DCHS1: variants seen among roughly 807,000 people sequenced by gnomAD.
The protein encoded by DCHS1 is protocadherin-16.
In DCHS1, 78 loss-of-function variants were observed where a neutral mutation model predicts 213.9. That is an observed-to-expected ratio of 0.36 (90% CI 0.30 to 0.44). The LOEUF (loss-of-function observed/expected upper bound fraction) is 0.44. Among genes scored for constraint, DCHS1 ranks in the 20% least tolerant of loss-of-function variants. The pLI is 1.00. For synonymous variants in DCHS1, 1,828 were observed against 1,873.7 expected (o/e 0.98, Z 0.63); for missense variants, 3,946 against 4,395.9 (o/e 0.90, Z 2.89).
intron 7 of DCHS1, 29 bp from the exon 8 acceptor site, chr11:6,631,436 C>A: frequency 6.2e-7 from 1 of 1,610,350 alleles, no homozygotes; most frequent in Non-Finnish European, 8.5e-7. Context: ...CCTAGTGAGT[C>A]TCTTTCCTGT....
Position 6,640,693 on chromosome 11 carries a change from G to A in DCHS1, c.921C>T (p.Ile307=), listed in dbSNP as rs201398426. The change falls in exon 2 of 21, where the codon ATC becomes ATT. Residue 307 remains isoleucine (I), a synonymous_variant. Coordinates refer to ENST00000299441, the MANE Select transcript of DCHS1 (RefSeq NM_003737.4). This position sits in a 1 kb window ranked among gnomAD's most constrained non-coding sequence, Gnocchi z 6.5. ...RQSEGDGPFS[I]DAHTGLLQLE... ...ACTGCAGCAGCCCCGTGTGTGCGTC[G>A]ATGGAGAAGGGTCCATCACCCTCGC... The A allele has an allele frequency of 2.4e-5, 38 of 1,613,552 alleles. No individual in the cohort carries two copies. The Admixed American group carries it at 4.8e-4, about 21-fold the overall frequency.
Position 6,630,096 on chromosome 11 carries a change from G to A in DCHS1, c.4698C>T (p.His1566=). ...CCAGATCCGGGTCCCGGGCTACCAC[G>A]TGCAGGGCCGCGGGCCCAGGCGGCT... The part of the protein sequence containing the change: ...EDQPPGPAAL[H]VVARDPDLGE... The change falls in exon 10 of 21, where the codon CAC becomes CAT. Residue 1566 remains histidine (H), a synonymous_variant. Coordinates refer to ENST00000299441, the MANE Select transcript of DCHS1 (RefSeq NM_003737.4). The A allele has an allele frequency of 3.1e-6, 5 of 1,601,286 alleles. No individual in the cohort carries two copies. Among genetic ancestry groups the A allele is most frequent in the Non-Finnish European group, 4.3e-6 (5 of 1,172,230 alleles).
rs138142044 is a variant in DCHS1 at position 6,652,571 on chromosome 11, T to C, written c.-121+2992A>G. ...CTGGAGACGTGGGAAACACATGGAA[T>C]AATCAGTTGAGTGAGGTCCCTGTGG... is the stretch of plus-strand genomic sequence containing the variant. On this transcript the variant is annotated intron_variant, in intron 1 of 20. Transcript: ENST00000299441. Among the ~76,000 whole-genome samples, 548 of 152,238 alleles carry C rather than the reference T, an allele frequency of 3.6e-3. 2 individuals carry two copies. The highest frequency in any genetic ancestry group is 0.012 in the African/African-American group (505 of 41,542).
In DCHS1 at chr11:6,633,547, C is replaced by A; in HGVS notation, c.2320G>T (p.Ala774Ser). 6.3e-7 allele frequency: 1 copy of A among 1,589,638 alleles called. No homozygotes were observed. Among genetic ancestry groups the A allele is most frequent in the East Asian group, 2.3e-5 (1 of 43,584 alleles). The change falls in exon 5 of 21, where the codon GCC (alanine) becomes TCC (serine). Residue 774 changes from alanine to serine, a missense_variant. Around this residue, in one of 3 missense-constraint regions of DCHS1, gnomAD observed 3,384 missense variants for 3,780.1 expected, o/e 0.90. Coordinates refer to ENST00000299441, the MANE Select transcript of DCHS1 (RefSeq NM_003737.4). ...DGGGLQAEPS[A>S]RVDISIVPGT... Reference sequence around the variant, plus strand: ...GGCACAATGCTGATGTCCACTCGGGCACTGGGTTCTGCCTGTAGGCCACCT... The same window carrying A: ...GGCACAATGCTGATGTCCACTCGGGAACTGGGTTCTGCCTGTAGGCCACCT...
Position 6,640,672 on chromosome 11 carries a change from C to T in DCHS1, c.942G>A (p.Leu314=). The change falls in exon 2 of 21, where the codon CTG becomes CTA. Residue 314 remains leucine (L), a synonymous_variant. Coordinates refer to ENST00000299441, the MANE Select transcript of DCHS1 (RefSeq NM_003737.4). The surrounding 1 kb of genome is among the most constrained non-coding windows in gnomAD (Gnocchi z 6.5). ...PFSIDAHTGL[L]QLERPLDFEQ... The stretch of plus-strand genomic sequence containing the variant: ...CAAAGTCCAGTGGCCGCTCTAACTG[C>T]AGCAGCCCCGTGTGTGCGTCGATGG... 3 of 1,613,346 alleles carry T rather than the reference C, an allele frequency of 1.9e-6. No homozygotes were observed. Among genetic ancestry groups the T allele is most frequent in the East Asian group, 2.2e-5 (1 of 44,888 alleles).
rs199804605 is a variant in DCHS1 at position 6,639,928 on chromosome 11, G to A, written c.1686C>T (p.Ala562=). 25 of 1,614,050 alleles carry A rather than the reference G, an allele frequency of 1.5e-5. No individual in the cohort carries two copies. ...DGGLPPLASS[A]TVSVALQDVN... is the part of the protein sequence containing the mutation. Reference sequence around the variant, plus strand: ...CATCTTGCAGGGCCACGCTAACTGTGGCAGAGGAGGCTAGAGGGGGCAGGC... The same window carrying A: ...CATCTTGCAGGGCCACGCTAACTGTAGCAGAGGAGGCTAGAGGGGGCAGGC... Residue 562 remains alanine (A), a synonymous_variant, in exon 2 of 21, where the codon GCC becomes GCT. Coordinates refer to ENST00000299441, the MANE Select transcript of DCHS1 (RefSeq NM_003737.4).
chr11:6,647,749 T>C (rs1352516228), intron 1 of DCHS1, among the ~76,000 whole-genome samples: 4 of 152,166 alleles, frequency 2.6e-5, no homozygotes, highest in African/African-American at 9.7e-5. Flanking sequence ...CTATGTTGCC[T>C]GAGATTCAGG....
At chr11:6,644,793 C>G (rs1452627303) in intron 1 of DCHS1, among the ~76,000 whole-genome samples, 1 of 152,238 alleles carries the variant, frequency 6.6e-6, no homozygotes, top group Non-Finnish European at 1.5e-5. Context: ...ACAACACACA[C>G]AAACACATGT....
rs773458565 is a variant in DCHS1, at chr11:6,641,260, A to G, written c.354T>C (p.Thr118=). The change falls in exon 2 of 21, where the codon ACT becomes ACC. Residue 118 remains threonine, a synonymous_variant. Coordinates refer to ENST00000299441, the MANE Select transcript of DCHS1 (RefSeq NM_003737.4). This position sits in a 1 kb window ranked among gnomAD's most constrained non-coding sequence, Gnocchi z 7.1. ...CGGTGGCACCATCAGGAGTGACTGC[A>G]GTGAAGCGGTAGCGGTCCCGCTGCT... ...DREQRDRYRF[T]AVTPDGATVE... The G allele has an allele frequency of 1.2e-6, 2 of 1,613,708 alleles. No individual in the cohort carries two copies. Among genetic ancestry groups the G allele is most frequent in the South Asian group, 2.2e-5 (2 of 91,090 alleles).
rs149950385 is a variant in DCHS1, at chr11:6,640,905, C to T, written c.709G>A (p.Ala237Thr). The T allele has an allele frequency of 1.4e-5, 23 of 1,614,014 alleles. No individual in the cohort carries two copies. In the African/African-American group the frequency reaches 2.1e-4, roughly 15 times the overall value. ...AGTGTCACGTCCAGCAGGGCCTGGG[C>T]CCTCCGGGGGGGTGAACCACCATCA... is the stretch of plus-strand genomic sequence containing the variant. ...AYDGGSPPRRAQALLDVTLLD... is the reference protein window; with the variant it reads ...AYDGGSPPRRTQALLDVTLLD... The change falls in exon 2 of 21, where the codon GCC (alanine) becomes ACC (threonine). Residue 237 changes from alanine to threonine, a missense_variant. Transcript: ENST00000299441. This position sits in a 1 kb window ranked among gnomAD's most constrained non-coding sequence, Gnocchi z 6.5.
In DCHS1 at chr11:6,629,916, G is replaced by C; in HGVS notation, c.4796-5C>G. ...GCCGCACCACGGACAGCGCTCCTAG[G>C]TGAGCGGTAAGGCAGGTTGGTGGGG... On this transcript the variant is annotated splice_polypyrimidine_tract_variant and splice_region_variant and intron_variant, in intron 10 of 20. Coordinates refer to ENST00000299441, the MANE Select transcript of DCHS1 (RefSeq NM_003737.4). The C allele has an allele frequency of 6.2e-7, 1 of 1,610,892 alleles. No homozygotes were observed. Among genetic ancestry groups the C allele is most frequent in the Non-Finnish European group, 8.5e-7 (1 of 1,177,876 alleles).
In DCHS1 at chr11:6,641,812, C is replaced by T. The variant is rs1056702699; in HGVS notation, c.-120-79G>A. 20 of 1,215,768 alleles carry T rather than the reference C, an allele frequency of 1.6e-5. No individual in the cohort carries two copies. Among genetic ancestry groups the T allele is most frequent in the Admixed American group, 1.2e-4 (4 of 34,156 alleles). 75.3% of individuals were successfully genotyped at this position (1,215,768 alleles called of 1,614,324 possible). On this transcript the variant is annotated intron_variant, in intron 1 of 20. Coordinates refer to ENST00000299441, the MANE Select transcript of DCHS1 (RefSeq NM_003737.4). The surrounding 1 kb of genome is among the most constrained non-coding windows in gnomAD (Gnocchi z 7.1). ...GATAACCTGGACGAGGCCACATCAACATTCAGATATGCTCAGCCCCCAGCA... is the reference window on the plus strand; with the variant it reads ...GATAACCTGGACGAGGCCACATCAATATTCAGATATGCTCAGCCCCCAGCA...
chr11:6,621,901 A>G lies in DCHS1; in HGVS notation c.9775T>C (p.Ser3259Pro), dbSNP rs866667624. 18 of 1,613,068 alleles carry G rather than the reference A, an allele frequency of 1.1e-5. No homozygotes were observed. Among genetic ancestry groups the G allele is most frequent in the Non-Finnish European group, 1.4e-5 (17 of 1,179,472 alleles). ...AMSPSFSPSL[S>P]PLAARSPVVS... The stretch of plus-strand genomic sequence containing the variant: ...ACGGGTGAGCGAGCAGCCAGAGGAG[A>G]CAGAGAGGGTGAGAAGCTGGGGGAC... The change falls in exon 21 of 21, where the codon TCT becomes CCT. Residue 3259 changes from serine to proline, a missense_variant. Physicochemically the swap from Ser to Pro is moderately conservative, Grantham distance 74. Around this residue, in one of 3 missense-constraint regions of DCHS1, gnomAD observed 554 missense variants for 590.2 expected, o/e 0.94. Transcript: ENST00000299441.
Position 6,626,715 on chromosome 11 carries a change from T to G in DCHS1, c.6251-50A>C. On this transcript the variant is annotated intron_variant, in intron 14 of 20. Coordinates refer to ENST00000299441, the MANE Select transcript of DCHS1 (RefSeq NM_003737.4). The surrounding 1 kb of genome is among the most constrained non-coding windows in gnomAD (Gnocchi z 5.2). ...ACTGTGAGCGCGAGACTGGGAGAGT[T>G]TGGGGGACATTTTCAAAGCACAACC... The G allele has an allele frequency of 6.2e-7, 1 of 1,610,782 alleles. No homozygotes were observed. Among genetic ancestry groups the G allele is most frequent in the Non-Finnish European group, 8.5e-7 (1 of 1,178,522 alleles).
rs2134645498 is a variant in DCHS1 at position 6,640,981 on chromosome 11, C to T, written c.633G>A (p.Gly211=). ...GTGAGCGGTTCTCTCGGTCCAGTTC[C>T]CCAGTAACTACCAGCTCAGGTACTG... ...GTPVPELVVT[G]ELDRENRSHY... The change falls in exon 2 of 21, where the codon GGG becomes GGA. Residue 211 remains glycine (G), a synonymous_variant. Transcript: ENST00000299441. The surrounding 1 kb of genome is among the most constrained non-coding windows in gnomAD (Gnocchi z 6.5). 1 of 1,613,998 alleles carries T rather than the reference C, an allele frequency of 6.2e-7. No homozygotes were observed. Among genetic ancestry groups the T allele is most frequent in the Admixed American group, 1.7e-5 (1 of 60,034 alleles).
rs765275342 is a variant in DCHS1 at position 6,628,584 on chromosome 11, T to C, written c.5371+37A>G. 3 of 1,609,762 alleles carry C rather than the reference T, an allele frequency of 1.9e-6. No homozygotes were observed. The East Asian group carries it at 6.7e-5, about 36-fold the overall frequency. On this transcript the variant is annotated intron_variant, in intron 13 of 20. Coordinates refer to ENST00000299441, the MANE Select transcript of DCHS1 (RefSeq NM_003737.4). The surrounding 1 kb of genome is among the most constrained non-coding windows in gnomAD (Gnocchi z 4.3). Reference sequence around the variant, plus strand: ...CAAGAAGGAGCAAGAACCAGGCAAGTGGGTGCTGAATTAAGTGGGAGTGGG... The same window carrying C: ...CAAGAAGGAGCAAGAACCAGGCAAGCGGGTGCTGAATTAAGTGGGAGTGGG...
Position 6,624,361 on chromosome 11 carries a change from C to A in DCHS1, c.7315G>T (p.Ala2439Ser). The A allele has an allele frequency of 5.7e-6, 9 of 1,571,174 alleles. No individual in the cohort carries two copies. The highest frequency in any genetic ancestry group is 7.8e-6 in the Non-Finnish European group (9 of 1,158,106). ...GCTCCTGACCCGTCATGGCCCAAGG[C>A]CACTGTTCCCACTATTGTGAACAGG... Reference protein sequence around the residue: ...GTLFTIVGTVALGHDGSGAVD... With the variant: ...GTLFTIVGTVSLGHDGSGAVD... Residue 2439 changes from alanine (A) to serine (S), a missense_variant, in exon 21 of 21, where the codon GCC (alanine) becomes TCC (serine). Ala to Ser is a moderately conservative substitution (Grantham distance 99). Around this residue, in one of 3 missense-constraint regions of DCHS1, gnomAD observed 3,384 missense variants for 3,780.1 expected, o/e 0.90. Coordinates refer to ENST00000299441, the MANE Select transcript of DCHS1 (RefSeq NM_003737.4).
chr11:6,623,467 C>A lies in DCHS1; in HGVS notation c.8209G>T (p.Ala2737Ser). 1 of 1,581,564 alleles carries A rather than the reference C, an allele frequency of 6.3e-7. No homozygotes were observed. Among genetic ancestry groups the A allele is most frequent in the Non-Finnish European group, 8.6e-7 (1 of 1,163,848 alleles). The change falls in exon 21 of 21, where the codon GCT becomes TCT. Residue 2737 changes from alanine to serine, a missense_variant. Ala to Ser is a moderately conservative substitution (Grantham distance 99). Coordinates refer to ENST00000299441, the MANE Select transcript of DCHS1 (RefSeq NM_003737.4). ...TLHAIDGDAG[A>S]FGRLRYSLLE... ...AGGCTGTAACGGAGCCTCCCAAAAG[C>A]CCCAGCATCCCCGTCGATTGCATGC...
At chr11:6,642,156 C>G (rs1184929279) in intron 1 of DCHS1, among the ~76,000 whole-genome samples, 1 of 152,142 alleles carries the variant, frequency 6.6e-6, no homozygotes, top group Non-Finnish European at 1.5e-5. Context: ...TCCATCAATA[C>G]TACATATGCT....
Sources: gnomAD v4.1 joint callset for allele counts (sites outside exome capture counted in the v4.1 genomes callset) on GRCh38, gnomAD v4.1.1 for gene constraint, gnomAD v4.1.1 regional missense constraint, Gnocchi (gnomAD v3.1) non-coding constraint, MANE v1.5 for transcripts, NCBI Gene and HGNC (gene_info 2026-07-23, HGNC 2026-07-21) for gene names.